Variants in PCDHA10 observed in about 807,000 individuals in gnomAD.
PCDHA10 encodes the protein protocadherin alpha-10.
A neutral mutation model predicts 61.2 loss-of-function variants in PCDHA10; 45 were observed. That is an observed-to-expected ratio of 0.74 (90% confidence interval 0.58 to 0.94). PCDHA10 has a LOEUF of 0.94. Among genes scored for constraint, PCDHA10 ranks in the 40% least tolerant of loss-of-function variants. The pLI is 0.00. For missense variants in PCDHA10, 1,278 were observed against 1,236.2 expected (o/e 1.03, Z -0.51); for synonymous variants, 602 against 548.8 (o/e 1.10, Z -1.35).
At chr5:140,895,829 C>T (rs2065183021) in intron 1 of PCDHA10, among the ~76,000 whole-genome samples, 1 of 151,878 alleles carries the variant, frequency 6.6e-6, no homozygotes, top group African/African-American at 2.4e-5. Context: ...GTATTTTTTT[C>T]AGACAAAGTC....
chr5:140,879,875 C>T (rs1040496825), intron 1 of PCDHA10, among the ~76,000 whole-genome samples: 39 of 152,326 alleles, frequency 2.6e-4, no homozygotes, highest in African/African-American at 8.7e-4. Flanking sequence ...TTCATGGTCA[C>T]ATTGCCTCCT....
intron 1 of PCDHA10, among the ~76,000 whole-genome samples, chr5:140,920,659 C>T (rs1325541731): frequency 1.3e-5 from 2 of 152,098 alleles, no homozygotes; most frequent in East Asian, 3.9e-4. Flanking sequence ...TCCTTGCCAA[C>T]ATGGTGAAAC....
chr5:140,861,667 T>G (rs1459883845), intron 1 of PCDHA10: 1 of 254,356 alleles, frequency 3.9e-6, no homozygotes, highest in Admixed American at 4.6e-5. Context: ...CGAGAGCTCT[T>G]GATTATCGTG....
In PCDHA10 at chr5:140,927,525, T is replaced by G. The variant is rs782496581; in HGVS notation, c.2389-51424T>G. ...TTACAGCTCGGGACGGCGGGCTACC[T>G]GCCCGCTCAGGAGACGCACAAGTCA... On this transcript the variant is annotated intron_variant, in intron 1 of 3. Transcript: ENST00000307360. 3.1e-6 allele frequency: 5 copies of G among 1,614,088 alleles called. 1 individual carries two copies. In the South Asian group the frequency reaches 5.5e-5, roughly 18 times the overall value.
At chr5:140,923,630 G>T (rs1278599561) in intron 1 of PCDHA10, among the ~76,000 whole-genome samples, 1 of 152,106 alleles carries the variant, frequency 6.6e-6, no homozygotes, top group Admixed American at 6.5e-5. Flanking sequence ...TATCCAAAAG[G>T]CAAAAATCTT....
chr5:140,922,272 G>A (rs547313117), intron 1 of PCDHA10, among the ~76,000 whole-genome samples: 37 of 152,312 alleles, frequency 2.4e-4, no homozygotes, highest in African/African-American at 8.7e-4. Flanking sequence ...ATGAAGATTG[G>A]ACCAAGATAT....
At chr5:140,871,010 TGG>T in intron 1 of PCDHA10, 1 of 1,613,348 alleles carries the variant, frequency 6.2e-7, no homozygotes, top group South Asian at 1.1e-5. Context: ...ACGCGTGCCC[TGG>T]ACGAGGCAGA....
rs546684407 is a variant in PCDHA10 at position 140,870,806 on chromosome 5, A to G, written c.2388+12370A>G. 6.2e-6 allele frequency: 10 copies of G among 1,613,688 alleles called. No individual in the cohort carries two copies. In the Admixed American group the frequency reaches 1.7e-4, roughly 27 times the overall value. ...AACGCGCCGGCACTGCTGGCGACTC[A>G]GGCTGGCAGCGCGGGAGGCGCAGTT... is the stretch of plus-strand genomic sequence containing the variant. On this transcript the variant is annotated intron_variant, in intron 1 of 3. Transcript: ENST00000307360.
intron 1 of PCDHA10, chr5:140,869,346 T>G (rs781810947): frequency 4.3e-6 from 7 of 1,613,936 alleles, no homozygotes; most frequent in East Asian, 2.2e-5. Flanking sequence ...ATCTGCAGAA[T>G]GGCATTTTGT....
At chr5:140,877,097 T>A in intron 1 of PCDHA10, 1 of 1,613,308 alleles carries the variant, frequency 6.2e-7, no homozygotes, top group Non-Finnish European at 8.5e-7. Context: ...GACGCCGGCG[T>A]GCCGCCTCTG....
chr5:141,008,786 T>C (rs2098390952), intron 3 of PCDHA10, among the ~76,000 whole-genome samples: 1 of 152,212 alleles, frequency 6.6e-6, no homozygotes, highest in South Asian at 2.1e-4. Context: ...TGGCTCCCAG[T>C]GTTTTATCTA....
chr5:140,998,241 T>C (rs1554256206), intron 3 of PCDHA10, among the ~76,000 whole-genome samples: 1 of 152,194 alleles, frequency 6.6e-6, no homozygotes, highest in African/African-American at 2.4e-5. Context: ...TGCATTATTA[T>C]ACTCATTTTA....
chr5:140,949,260 T>A (rs1292112980), intron 1 of PCDHA10, among the ~76,000 whole-genome samples: 1 of 151,804 alleles, frequency 6.6e-6, no homozygotes, highest in African/African-American at 2.4e-5. Flanking sequence ...GATGAACATA[T>A]CACGTGCACT....
chr5:140,861,565 T>C (rs1191527978), intron 1 of PCDHA10: 2 of 376,886 alleles, frequency 5.3e-6, no homozygotes, highest in South Asian at 4.9e-5. Flanking sequence ...GTGGACAAGC[T>C]GCTACAGGTT....
intron 1 of PCDHA10, among the ~76,000 whole-genome samples, chr5:140,921,217 T>G (rs2080100928): frequency 6.6e-6 from 1 of 152,122 alleles, no homozygotes; most frequent in African/African-American, 2.4e-5. Flanking sequence ...ATTCACGTCT[T>G]TTTTGCTAGA....
intron 1 of PCDHA10, among the ~76,000 whole-genome samples, chr5:140,900,317 G>A (rs188830675): frequency 3.3e-4 from 50 of 151,512 alleles, no homozygotes; most frequent in Non-Finnish European, 6.2e-4. Context: ...CACTTTTGTC[G>A]CCCAGGCTGG....
chr5:140,977,543 A>G (rs905389015), intron 1 of PCDHA10, among the ~76,000 whole-genome samples: 3 of 152,224 alleles, frequency 2.0e-5, no homozygotes. Context: ...AGCAGCTTGC[A>G]TATGCATATC....
In PCDHA10 at chr5:140,920,604, G is replaced by A. The variant is rs182788075; in HGVS notation, c.2389-58345G>A. 4.8e-4 allele frequency among the ~76,000 whole-genome samples: 73 copies of A among 152,238 alleles called. No homozygotes were observed. In the East Asian group the frequency reaches 0.011, roughly 22 times the overall value. On this transcript the variant is annotated intron_variant, in intron 1 of 3. Transcript: ENST00000307360. ...CTCACGCCTGTAATCCCAGCACTTT[G>A]GGAGGCCGAGGCGGATGGATCACAA...
intron 1 of PCDHA10, among the ~76,000 whole-genome samples, chr5:140,880,546 T>C (rs919094204): frequency 7.9e-5 from 12 of 152,198 alleles, no homozygotes; most frequent in Non-Finnish European, 1.8e-4. Flanking sequence ...GAAAGTGAAC[T>C]GATGGAAATG....
Sources: gnomAD v4.1 joint callset for allele counts (sites outside exome capture counted in the v4.1 genomes callset) on GRCh38, gnomAD v4.1.1 for gene constraint, MANE v1.5 for transcripts, NCBI Gene and HGNC (gene_info 2026-07-23, HGNC 2026-07-21) for gene names.